DECR1: variants seen among roughly 807,000 people sequenced by gnomAD.
DECR1 encodes 2,4-dienoyl-CoA reductase 1, also known as 2,4-dienoyl-CoA reductase [(3E)-enoyl-CoA-producing], mitochondrial.
Under a neutral mutation model 38.8 loss-of-function variants are expected in DECR1, and 44 were observed. The observed-to-expected ratio is 1.13, with a 90% CI of 0.89 to 1.46. The LOEUF (loss-of-function observed/expected upper bound fraction) is 1.46, where lower values mean the gene tolerates loss of function less well. DECR1 is among the 40% of genes most tolerant of loss of function. The probability of loss-of-function intolerance (pLI) is 0.00; values close to 1 mark genes in which losing one functional copy is unlikely to be tolerated. For synonymous variants in DECR1, 148 were observed against 135.2 expected (o/e 1.09, Z -0.66); for missense variants, 428 against 405.5 (o/e 1.06, Z -0.48).
At chr8:90,025,029 T>A (rs1224837983) in intron 5 of DECR1, among the ~76,000 whole-genome samples, 1 of 152,248 alleles carries the variant, frequency 6.6e-6, no homozygotes, top group Non-Finnish European at 1.5e-5. Context: ...ATCAGATGGT[T>A]ATAGATGTGT....
chr8:90,020,064 C>G (rs1358294899), intron 4 of DECR1, among the ~76,000 whole-genome samples: 5 of 152,174 alleles, frequency 3.3e-5, no homozygotes, highest in African/African-American at 1.2e-4. Flanking sequence ...CAAAATTTCT[C>G]CTTTTAAGAC....
chr8:90,045,413 A>C (rs1563656655), intron 8 of DECR1, among the ~76,000 whole-genome samples: 1 of 152,138 alleles, frequency 6.6e-6, no homozygotes, highest in Non-Finnish European at 1.5e-5. Flanking sequence ...TCCCATGCCC[A>C]CAGAGCCTCG....
At position 90,020,893 on chromosome 8, in the gene DECR1, C is replaced by T. The variant is rs774268008; in HGVS notation, c.418-16C>T. Reference sequence around the variant, plus strand: ...CTCATCTAAAGTTTCTGTAACTTGCCTTGTTCATTTATTAGATTGTGATAA... The same window carrying T: ...CTCATCTAAAGTTTCTGTAACTTGCTTTGTTCATTTATTAGATTGTGATAA... On this transcript the variant is annotated splice_polypyrimidine_tract_variant and intron_variant, in intron 4 of 9. Coordinates refer to ENST00000220764, the MANE Select transcript of DECR1 (RefSeq NM_001359.2). 2 of 1,513,306 alleles carry T rather than the reference C, an allele frequency of 1.3e-6. No homozygotes were observed. Among genetic ancestry groups the T allele is most frequent in the Non-Finnish European group, 1.8e-6 (2 of 1,135,528 alleles). The allele number at this position is 1,513,306 out of a possible 1,614,324, so 93.7% of individuals were successfully genotyped here.
At chr8:90,049,694 A>T (rs1024332998) in intron 8 of DECR1, among the ~76,000 whole-genome samples, 3 of 152,172 alleles carry the variant, frequency 2.0e-5, no homozygotes, top group Admixed American at 2.0e-4. Flanking sequence ...GTTCATATGG[A>T]ACCAAAAAAG....
intron 1 of DECR1, chr8:90,005,968 G>A (rs1812728096): frequency 1.9e-6 from 1 of 517,408 alleles, no homozygotes; most frequent in African/African-American, 1.9e-5. Flanking sequence ...GTGTTGGGAG[G>A]TGCCAGGTTC....
intron 1 of DECR1, chr8:90,005,351 A>G (rs1454122266): frequency 4.4e-6 from 2 of 456,230 alleles, no homozygotes; most frequent in Admixed American, 4.7e-5. Flanking sequence ...CAAGAAGCAT[A>G]GAGTCCAATG....
At chr8:90,023,834 A>C (rs1458474632) in intron 5 of DECR1, among the ~76,000 whole-genome samples, 1 of 152,078 alleles carries the variant, frequency 6.6e-6, no homozygotes, top group Non-Finnish European at 1.5e-5. Context: ...CATCATTTAC[A>C]TTAGGTATAT....
intron 8 of DECR1, among the ~76,000 whole-genome samples, chr8:90,046,051 C>T (rs1272473510): frequency 6.6e-6 from 1 of 152,146 alleles, no homozygotes; most frequent in East Asian, 1.9e-4. Flanking sequence ...TCACGAAAGA[C>T]CAAAGGCAGA....
intron 1 of DECR1, among the ~76,000 whole-genome samples, chr8:90,007,668 A>T (rs1010180589): frequency 5.9e-5 from 9 of 152,220 alleles, no homozygotes; most frequent in Non-Finnish European, 1.3e-4. Flanking sequence ...TATTACAAAA[A>T]ATAATCTAGA....
At chr8:90,047,031 A>G (rs978644887) in intron 8 of DECR1, among the ~76,000 whole-genome samples, 1 of 152,216 alleles carries the variant, frequency 6.6e-6, no homozygotes, top group African/African-American at 2.4e-5. Flanking sequence ...TCCTGAAGGA[A>G]GCACTAAACA....
intron 1 of DECR1, chr8:90,015,394 A>G (rs1271701977): frequency 3.6e-6 from 1 of 278,100 alleles, no homozygotes; most frequent in Non-Finnish European, 7.3e-6. Context: ...TATGGTAAAT[A>G]TTGAATCTAC....
chr8:90,045,711 T>C (rs1176292871), intron 8 of DECR1, among the ~76,000 whole-genome samples: 1 of 152,198 alleles, frequency 6.6e-6, no homozygotes, highest in East Asian at 1.9e-4. Flanking sequence ...GAGTTGGAGA[T>C]CTGAGAACGG....
In DECR1 at chr8:90,042,762, C is replaced by T. The variant is rs550991042; in HGVS notation, c.700C>T (p.Arg234Ter). The change falls in exon 7 of 10, where the codon CGA becomes TGA. Residue 234 changes from arginine (R) to a stop codon, truncating the protein, a stop_gained. Coordinates refer to ENST00000220764, the MANE Select transcript of DECR1 (RefSeq NM_001359.2). LOFTEE classifies it high-confidence loss of function. Reference sequence around the variant, plus strand: ...AGCTGAATGGGGTAAATATGGAATGCGATTCAATGTGATTCAACCAGGGCC... The same window carrying T: ...AGCTGAATGGGGTAAATATGGAATGTGATTCAATGTGATTCAACCAGGGCC... ...LAAEWGKYGM[R>*]FNVIQPGPIK... 233 of 1,613,300 alleles carry T rather than the reference C, an allele frequency of 1.4e-4. No homozygotes were observed. In the South Asian group the frequency reaches 1.6e-3, roughly 11 times the overall value.
At chr8:90,001,969 G>A (rs754391204) in intron 1 of DECR1, among the ~76,000 whole-genome samples, 14 of 151,998 alleles carry the variant, frequency 9.2e-5, no homozygotes, top group Non-Finnish European at 1.6e-4. Context: ...GTTTTGGGGC[G>A]CAGAGAGAGA....
Position 90,044,864 on chromosome 8 carries a change from C to G in DECR1, c.754C>G (p.Leu252Val). 2 of 1,613,162 alleles carry G rather than the reference C, an allele frequency of 1.2e-6. No individual in the cohort carries two copies. Among genetic ancestry groups the G allele is most frequent in the Non-Finnish European group, 1.7e-6 (2 of 1,179,456 alleles). The change falls in exon 8 of 10, where the codon CTG becomes GTG. Residue 252 changes from leucine to valine, a missense_variant. Physicochemically the swap from Leu to Val is conservative, Grantham distance 32 (BLOSUM62 1). Transcript: ENST00000220764. The stretch of plus-strand genomic sequence containing the variant: ...AATTTCTAAGGGTGCCTTTAGCCGT[C>G]TGGACCCAACTGGAACATTTGAGAA... ...PIKTKGAFSRLDPTGTFEKEM... is the reference protein window; with the variant it reads ...PIKTKGAFSRVDPTGTFEKEM...
intron 1 of DECR1, among the ~76,000 whole-genome samples, chr8:90,011,636 GT>G (rs1013796688): frequency 2.0e-5 from 3 of 152,116 alleles, no homozygotes; most frequent in African/African-American, 7.2e-5. Context: ...ATGTTTCATA[GT>G]TTTCAATTTA....
At chr8:90,007,423 AG>A (rs1423925036) in intron 1 of DECR1, among the ~76,000 whole-genome samples, 1 of 152,082 alleles carries the variant, frequency 6.6e-6, no homozygotes, top group Non-Finnish European at 1.5e-5. Context: ...GTTGTGAGAT[AG>A]GGGTTTGAAA....
chr8:90,044,890 A>G lies in DECR1; in HGVS notation c.780A>G (p.Lys260=). The change falls in exon 8 of 10, where the codon AAA becomes AAG. Residue 260 remains lysine (K), a synonymous_variant. Coordinates refer to ENST00000220764, the MANE Select transcript of DECR1 (RefSeq NM_001359.2). ...SRLDPTGTFE[K]EMIGRIPCGR... is the part of the protein sequence containing the mutation. ...TGGACCCAACTGGAACATTTGAGAA[A>G]GAAATGATTGGCAGAATTCCCTGTG... is the stretch of plus-strand genomic sequence containing the variant. The G allele has an allele frequency of 6.2e-7, 1 of 1,613,530 alleles. No individual in the cohort carries two copies. The highest frequency in any genetic ancestry group is 8.5e-7 in the Non-Finnish European group (1 of 1,179,598).
At chr8:90,027,352 C>T (rs553469817) in intron 5 of DECR1, among the ~76,000 whole-genome samples, 13 of 152,054 alleles carry the variant, frequency 8.5e-5, no homozygotes, top group South Asian at 2.1e-4. Flanking sequence ...ATTGTGTGGG[C>T]GTCTACATCT....
Sources: allele counts gnomAD v4.1 joint callset (sites outside exome capture counted in the v4.1 genomes callset), GRCh38; gene constraint gnomAD v4.1.1; transcripts MANE v1.5; gene names NCBI Gene and HGNC (gene_info 2026-07-23, HGNC 2026-07-21).